ATP8A2: variants seen among roughly 807,000 people sequenced by gnomAD.
ATP8A2 encodes the protein ATPase phospholipid transporting 8A2.
In ATP8A2, 100 loss-of-function variants were observed where a neutral mutation model predicts 165.6. The observed-to-expected ratio is 0.60, with a 90% CI of 0.51 to 0.71. The LOEUF (loss-of-function observed/expected upper bound fraction) is 0.71. Among genes scored for constraint, ATP8A2 ranks in the 30% least tolerant of loss-of-function variants. ATP8A2 has a pLI of 0.00. For synonymous variants in ATP8A2, 543 were observed against 548.8 expected (o/e 0.99, Z 0.15); for missense variants, 1,227 against 1,479.5 (o/e 0.83, Z 2.80).
intron 25 of ATP8A2, among the ~76,000 whole-genome samples, chr13:25,733,130 CT>C (rs2043689775): frequency 6.6e-6 from 1 of 151,986 alleles, no homozygotes; most frequent in South Asian, 2.1e-4. Flanking sequence ...TCTTCAATGA[CT>C]AATAAGGAAA....
intron 33 of ATP8A2, among the ~76,000 whole-genome samples, chr13:25,884,288 C>T (rs1242570280): frequency 6.6e-6 from 1 of 152,104 alleles, no homozygotes; most frequent in African/African-American, 2.4e-5. Context: ...TTATGTCAGT[C>T]CTTGGGGATT....
intron 2 of ATP8A2, among the ~76,000 whole-genome samples, chr13:25,527,642 T>C (rs2037883222): frequency 1.3e-5 from 2 of 152,174 alleles, no homozygotes; most frequent in Non-Finnish European, 2.9e-5. Context: ...TTTGGGCTCG[T>C]TTTTCTAGTT....
At chr13:25,829,062 T>C (rs1192671837) in intron 28 of ATP8A2, among the ~76,000 whole-genome samples, 2 of 152,216 alleles carry the variant, frequency 1.3e-5, no homozygotes, top group Admixed American at 6.5e-5. Flanking sequence ...TGGCTAGATA[T>C]TTAAGTCTTC....
At chr13:25,401,380 C>CTGA (rs2138018397) in intron 1 of ATP8A2, among the ~76,000 whole-genome samples, 1 of 152,270 alleles carries the variant, frequency 6.6e-6, no homozygotes, top group African/African-American at 2.4e-5. Flanking sequence ...GTAACAAATG[C>CTGA]TGATATCAAT....
intron 25 of ATP8A2, among the ~76,000 whole-genome samples, chr13:25,734,338 G>T (rs2043720491): frequency 6.6e-6 from 1 of 152,232 alleles, no homozygotes; most frequent in Admixed American, 6.5e-5. Flanking sequence ...AAGGCCATTT[G>T]CAAGGACTTG....
At chr13:25,977,855 A>C (rs1956091568) in intron 35 of ATP8A2, among the ~76,000 whole-genome samples, 2 of 152,306 alleles carry the variant, frequency 1.3e-5, no homozygotes, top group South Asian at 2.1e-4. Flanking sequence ...AATGGGAAGA[A>C]GTGTCCTCTT....
chr13:25,514,794 T>G (rs1010024005), intron 2 of ATP8A2, among the ~76,000 whole-genome samples: 1 of 152,042 alleles, frequency 6.6e-6, no homozygotes, highest in Non-Finnish European at 1.5e-5. Context: ...GTCTCATGAG[T>G]CTCCTGAGCT....
At chr13:25,466,445 A>T (rs1177313963) in intron 1 of ATP8A2, among the ~76,000 whole-genome samples, 3 of 152,142 alleles carry the variant, frequency 2.0e-5, no homozygotes, top group Non-Finnish European at 4.4e-5. Flanking sequence ...CTCCCAGCAC[A>T]AAGAGGCTGC....
intron 1 of ATP8A2, among the ~76,000 whole-genome samples, chr13:25,445,336 AT>A (rs1410414432): frequency 2.0e-5 from 3 of 152,194 alleles, no homozygotes; most frequent in Non-Finnish European, 4.4e-5. Context: ...CAACTTTGAA[AT>A]CTAAACCCCT....
chr13:25,583,576 C>T lies in ATP8A2; in HGVS notation c.2146+1619C>T, dbSNP rs1243703179. Among the ~76,000 whole-genome samples the T allele has an allele frequency of 2.0e-5, 3 of 152,140 alleles. No individual in the cohort carries two copies. In the East Asian group the frequency reaches 5.8e-4, roughly 29 times the overall value. On this transcript the variant is annotated intron_variant, in intron 23 of 36. Transcript: ENST00000381655. ...TCCCTCTCACTGCCTCTCATCCACA[C>T]CGCCCGGCCCCTGGGAGCACACGCA...
intron 35 of ATP8A2, among the ~76,000 whole-genome samples, chr13:26,008,261 A>G (rs1566348143): frequency 6.6e-6 from 1 of 152,206 alleles, no homozygotes; most frequent in Non-Finnish European, 1.5e-5. Flanking sequence ...TAAAATAGTG[A>G]TGAAAGAAGA....
chr13:26,000,566 T>G (rs1424162555), intron 35 of ATP8A2, among the ~76,000 whole-genome samples: 1 of 152,164 alleles, frequency 6.6e-6, no homozygotes, highest in Non-Finnish European at 1.5e-5. Flanking sequence ...TAAGGACTTG[T>G]ATGAGCTTGG....
At chr13:25,651,320 G>A (rs1031090679) in intron 24 of ATP8A2, among the ~76,000 whole-genome samples, 1 of 152,042 alleles carries the variant, frequency 6.6e-6, no homozygotes, top group African/African-American at 2.4e-5. Flanking sequence ...GCGTATGCTT[G>A]TAGTCCCAGC....
At chr13:25,389,516 C>A (rs1286156392) in intron 1 of ATP8A2, among the ~76,000 whole-genome samples, 1 of 152,162 alleles carries the variant, frequency 6.6e-6, no homozygotes, top group African/African-American at 2.4e-5. Flanking sequence ...GTGAAATATA[C>A]GAGTGGTTGA....
At chr13:25,597,453 A>C (rs1169995107) in intron 24 of ATP8A2, among the ~76,000 whole-genome samples, 3 of 152,352 alleles carry the variant, frequency 2.0e-5, no homozygotes, top group Non-Finnish European at 4.4e-5. Flanking sequence ...GATGGCTTTA[A>C]TAAGTAACTG....
At chr13:25,877,430 T>A (rs1483774089) in intron 33 of ATP8A2, among the ~76,000 whole-genome samples, 1 of 152,200 alleles carries the variant, frequency 6.6e-6, no homozygotes, top group African/African-American at 2.4e-5. Context: ...CATAAAGCGA[T>A]GTTTGAAGCT....
rs567087535 is a variant in ATP8A2 at position 25,913,906 on chromosome 13, A to G, written c.3184-47669A>G. Among the ~76,000 whole-genome samples, 93 of 152,288 alleles carry G rather than the reference A, an allele frequency of 6.1e-4. 3 individuals are homozygous for G. The Middle Eastern group carries it at 0.014, about 22-fold the overall frequency. On this transcript the variant is annotated intron_variant, in intron 33 of 36. Coordinates refer to ENST00000381655, the MANE Select transcript of ATP8A2 (RefSeq NM_016529.6). ...TTCTAGTCCAGCTTCATTACTAAGC[A>G]GCTCTGAGCCCTTGGGTGGTTTTGT...
intron 8 of ATP8A2, 30 bp downstream of exon 8, chr13:25,540,418 T>A (rs766919267): frequency 6.8e-7 from 1 of 1,477,744 alleles, no homozygotes; most frequent in South Asian, 1.1e-5. Flanking sequence ...CTTGTGTTGT[T>A]ATGGTAGACA....
At chr13:25,607,491 G>A (rs1157008870) in intron 24 of ATP8A2, among the ~76,000 whole-genome samples, 2 of 151,918 alleles carry the variant, frequency 1.3e-5, no homozygotes, top group African/African-American at 2.4e-5. Context: ...CTGATAAACC[G>A]ATTGTTAAGT....
Sources: allele counts gnomAD v4.1 joint callset (sites outside exome capture counted in the v4.1 genomes callset), GRCh38; gene constraint gnomAD v4.1.1; transcripts MANE v1.5; gene names NCBI Gene and HGNC (gene_info 2026-07-23, HGNC 2026-07-21).